EGFR: variants seen among roughly 807,000 people sequenced by gnomAD.
EGFR encodes avian erythroblastic leukemia viral (v-erb-b) oncogene homolog.
A neutral mutation model predicts 143.0 loss-of-function variants in EGFR; 58 were observed. That is an observed-to-expected ratio of 0.41 (90% CI 0.33 to 0.50). The LOEUF is 0.50. EGFR is among the 20% of genes least tolerant of loss of function. The pLI is 0.39. For missense variants in EGFR, 1,307 were observed against 1,579.0 expected (o/e 0.83, Z 2.92); for synonymous variants, 613 against 594.4 (o/e 1.03, Z -0.45).
intron 22 of EGFR, among the ~76,000 whole-genome samples, chr7:55,196,972 G>A (rs1787646412): frequency 6.6e-6 from 1 of 152,098 alleles, no homozygotes. Context: ...TTTTTGCTTA[G>A]GATTGCCTTG....
At chr7:55,166,788 GTGT>G (rs1388809808) in intron 15 of EGFR, among the ~76,000 whole-genome samples, 3 of 133,960 alleles carry the variant, frequency 2.2e-5, no homozygotes, top group Non-Finnish European at 3.1e-5. Context: ...AATGTTGGTG[GTGT>G]TGGTGGTGGT....
chr7:55,045,715 T>C (rs1336605641), intron 1 of EGFR, among the ~76,000 whole-genome samples: 3 of 152,192 alleles, frequency 2.0e-5, no homozygotes, highest in Non-Finnish European at 2.9e-5. Context: ...GTGTGAAAAG[T>C]GAAAAGTGCC....
intron 1 of EGFR, among the ~76,000 whole-genome samples, chr7:55,065,324 G>T (rs1431951932): frequency 6.6e-6 from 1 of 152,194 alleles, no homozygotes; most frequent in Non-Finnish European, 1.5e-5. Context: ...CTCATGCGCT[G>T]TGTGGAAACT....
chr7:55,099,144 G>A (rs1791653782), intron 1 of EGFR, among the ~76,000 whole-genome samples: 1 of 152,150 alleles, frequency 6.6e-6, no homozygotes, highest in African/African-American at 2.4e-5. Context: ...CATCGTGGTG[G>A]TGGCTTTCTC....
chr7:55,210,686 C>T lies in EGFR; in HGVS notation c.*5069C>T, dbSNP rs979274120. The T allele has an allele frequency of 6.6e-6, 1 of 152,210 alleles. No homozygotes were observed. The highest frequency in any genetic ancestry group is 1.5e-5 in the Non-Finnish European group (1 of 68,040). The allele number at this position is 152,210 out of a possible 1,614,324, so 9.4% of individuals were successfully genotyped here. On this transcript the variant is annotated 3_prime_UTR_variant, in exon 28 of 28. Coordinates refer to ENST00000275493, the MANE Select transcript of EGFR (RefSeq NM_005228.5). ...GAACAGAGTTTCCATGAAGGTTCTC[C>T]AAGCACTAGAAGGGAGAGTGTCTAA...
chr7:55,106,796 AATGTACAC>A (rs1792159030), intron 1 of EGFR, among the ~76,000 whole-genome samples: 1 of 152,166 alleles, frequency 6.6e-6, no homozygotes, highest in Admixed American at 6.5e-5. Flanking sequence ...TGCATTGTAA[AATGTACAC>A]TGTAAAGTGT....
At chr7:55,205,180 G>A (rs1583665033) in intron 27 of EGFR, 76 bp from the exon 28 acceptor site, 3 of 1,582,108 alleles carry the variant, frequency 1.9e-6, no homozygotes, top group Non-Finnish European at 2.6e-6. Flanking sequence ...GACATTCACA[G>A]GGTTCAGAAC....
intron 19 of EGFR, among the ~76,000 whole-genome samples, chr7:55,178,702 T>C (rs777044094): frequency 1.3e-5 from 2 of 152,252 alleles, no homozygotes; most frequent in African/African-American, 2.4e-5. Flanking sequence ...ATTTTCAATA[T>C]CTACTGAGTC....
intron 27 of EGFR, chr7:55,203,009 A>C (rs1787921409): frequency 6.8e-6 from 3 of 443,116 alleles, no homozygotes; most frequent in Non-Finnish European, 1.2e-5. Context: ...CTCTATCTTG[A>C]CCTGTGAAAC....
At chr7:55,049,979 C>T (rs888436522) in intron 1 of EGFR, among the ~76,000 whole-genome samples, 1 of 152,220 alleles carries the variant, frequency 6.6e-6, no homozygotes, top group Admixed American at 6.5e-5. Flanking sequence ...CCTCATCTCC[C>T]TGCAGGTAGA....
intron 20 of EGFR, among the ~76,000 whole-genome samples, chr7:55,184,304 T>A (rs895864114): frequency 1.3e-5 from 2 of 152,270 alleles, no homozygotes; most frequent in Admixed American, 1.3e-4. Flanking sequence ...CCCAGAAACA[T>A]CTTCCTAATC....
In EGFR at chr7:55,123,890, T is replaced by C. The variant is rs576503816; in HGVS notation, c.89-18396T>C. Among the ~76,000 whole-genome samples the C allele has an allele frequency of 8.4e-4, 127 of 152,064 alleles. 1 individual carries two copies. Among genetic ancestry groups the C allele is most frequent in the African/African-American group, 2.8e-3 (118 of 41,490 alleles). ...GCATGCACGTGTGTAAATGGATGTGTGTGTGTGTGCATGTGTGTGCAAGTA... is the reference window on the plus strand; with the variant it reads ...GCATGCACGTGTGTAAATGGATGTGCGTGTGTGTGCATGTGTGTGCAAGTA... On this transcript the variant is annotated intron_variant, in intron 1 of 27. Coordinates refer to ENST00000275493, the MANE Select transcript of EGFR (RefSeq NM_005228.5).
rs17336995 is a variant in EGFR at position 55,170,687 on chromosome 7, A to G, written c.1881-488A>G. ...TGCCTCTCACCCCAACTAGTAGCTA[A>G]CCATCACCCCCAGGACTGACCTCTT... On this transcript the variant is annotated intron_variant, in intron 15 of 27. Coordinates refer to ENST00000275493, the MANE Select transcript of EGFR (RefSeq NM_005228.5). 5,343 of 1,579,814 alleles carry G rather than the reference A, an allele frequency of 3.4e-3. 134 individuals carry two copies. In the African/African-American group the frequency reaches 0.061, roughly 18 times the overall value.
Position 55,151,436 on chromosome 7 carries a change from T to A in EGFR, c.628+74T>A, listed in dbSNP as rs375357597. On this transcript the variant is annotated intron_variant, in intron 5 of 27. Transcript: ENST00000275493. ...CTTCACTTGCTTAGGTGATTGGATT[T>A]GTTTTCCCTCTGAAGACTCCAAAGA... 65 of 1,509,116 alleles carry A rather than the reference T, an allele frequency of 4.3e-5. No homozygotes were observed. The African/African-American group carries it at 6.4e-4, about 15-fold the overall frequency. 93.5% of individuals were successfully genotyped at this position (1,509,116 alleles called of 1,614,324 possible). A position where few individuals can be genotyped will look rare whatever the true frequency, so the allele number is the denominator to read the frequency against.
intron 1 of EGFR, among the ~76,000 whole-genome samples, chr7:55,136,474 C>T (rs1026771905): frequency 6.6e-6 from 1 of 152,176 alleles, no homozygotes; most frequent in Non-Finnish European, 1.5e-5. Flanking sequence ...GTCACATGGC[C>T]ATCCATTGCT....
intron 1 of EGFR, among the ~76,000 whole-genome samples, chr7:55,134,190 G>A (rs1794007661): frequency 1.3e-5 from 2 of 151,316 alleles, no homozygotes; most frequent in Non-Finnish European, 2.9e-5. Context: ...AGAACTCAGC[G>A]AGGCCCACCC....
intron 1 of EGFR, 100 bp downstream of exon 1, chr7:55,019,465 G>A (rs893132441): frequency 3.3e-6 from 2 of 612,618 alleles, no homozygotes; most frequent in African/African-American, 2.0e-5. Flanking sequence ...CGGCGCCCGC[G>A]CCCCCGCCCG....
At chr7:55,052,009 A>T (rs1788519386) in intron 1 of EGFR, among the ~76,000 whole-genome samples, 1 of 152,188 alleles carries the variant, frequency 6.6e-6, no homozygotes, top group East Asian at 1.9e-4. Context: ...TCCTTCACCC[A>T]TGTGCCCACT....
At chr7:55,070,727 C>T (rs920312485) in intron 1 of EGFR, among the ~76,000 whole-genome samples, 1 of 152,182 alleles carries the variant, frequency 6.6e-6, no homozygotes, top group Non-Finnish European at 1.5e-5. Flanking sequence ...AGCAAATTTG[C>T]AAACATGTGC....
Sources: gnomAD v4.1 joint callset for allele counts (sites outside exome capture counted in the v4.1 genomes callset) on GRCh38, gnomAD v4.1.1 for gene constraint, MANE v1.5 for transcripts, NCBI Gene and HGNC (gene_info 2026-07-23, HGNC 2026-07-21) for gene names.